The following PIP4K2A variants were observed in gnomAD, a reference collection of about 807,000 sequenced individuals.
PIP4K2A encodes phosphatidylinositol 5-phosphate 4-kinase type-2 alpha.
A neutral mutation model predicts 42.9 loss-of-function variants in PIP4K2A; 14 were observed. That is an observed-to-expected ratio of 0.33 (90% CI 0.22 to 0.51). The LOEUF (loss-of-function observed/expected upper bound fraction) is 0.51. PIP4K2A is among the 20% of genes least tolerant of loss of function. The pLI is 0.97. For synonymous variants in PIP4K2A, 192 were observed against 192.2 expected, an observed-to-expected ratio of 1.00 and a Z score of 0.01; for missense variants, 434 against 519.8, an observed-to-expected ratio of 0.83 and a Z score of 1.61.
intron 7 of PIP4K2A, among the ~76,000 whole-genome samples, chr10:22,544,608 T>C (rs1222279788): frequency 1.3e-5 from 2 of 152,184 alleles, no homozygotes; most frequent in African/African-American, 4.8e-5. Context: ...GGAAGGTCCC[T>C]GTGAAGTGGT....
intron 6 of PIP4K2A, among the ~76,000 whole-genome samples, chr10:22,555,768 A>G (rs1341384274): frequency 6.6e-6 from 1 of 152,178 alleles, no homozygotes; most frequent in Non-Finnish European, 1.5e-5. Context: ...TTAAAAAAAA[A>G]AAACAATTTA....
At chr10:22,616,570 T>C (rs1838181631) in intron 1 of PIP4K2A, among the ~76,000 whole-genome samples, 2 of 152,276 alleles carry the variant, frequency 1.3e-5, no homozygotes, top group Admixed American at 1.3e-4. Flanking sequence ...CTGGACTGGC[T>C]GAGCCCAAGA....
chr10:22,583,846 A>T (rs75000010), intron 4 of PIP4K2A, among the ~76,000 whole-genome samples: 31 of 152,342 alleles, frequency 2.0e-4, no homozygotes, highest in Non-Finnish European at 4.0e-4. Flanking sequence ...CGGTCTGCAG[A>T]AGGCCTGCAG....
intron 1 of PIP4K2A, among the ~76,000 whole-genome samples, chr10:22,649,526 GAA>G (rs1838950077): frequency 6.6e-6 from 1 of 152,206 alleles, no homozygotes; most frequent in Non-Finnish European, 1.5e-5. Flanking sequence ...AAGACCAGGA[GAA>G]GAAAACATGC....
intron 5 of PIP4K2A, among the ~76,000 whole-genome samples, chr10:22,568,207 T>C (rs909061215): frequency 6.6e-6 from 1 of 152,234 alleles, no homozygotes; most frequent in Non-Finnish European, 1.5e-5. Context: ...AGTAACTTAC[T>C]CAACACTGGA....
chr10:22,694,239 T>C (rs1839926603), intron 1 of PIP4K2A: 1 of 152,184 alleles, frequency 6.6e-6, no homozygotes, highest in Non-Finnish European at 1.5e-5. Context: ...AATGTCTACT[T>C]ACACTTAATT....
At chr10:22,680,782 A>G (rs1839644212) in intron 1 of PIP4K2A, among the ~76,000 whole-genome samples, 1 of 152,172 alleles carries the variant, frequency 6.6e-6, no homozygotes, top group Non-Finnish European at 1.5e-5. Context: ...ATGTTGTTCA[A>G]AGAGTGAAGG....
chr10:22,571,828 C>T (rs1161725586), intron 5 of PIP4K2A, among the ~76,000 whole-genome samples: 1 of 152,228 alleles, frequency 6.6e-6, no homozygotes, highest in East Asian at 1.9e-4. Context: ...CATAACACCA[C>T]ACAGACTGAC....
chr10:22,574,687 T>C lies in PIP4K2A; in HGVS notation c.493-1230A>G, dbSNP rs910391400. Reference sequence around the variant, plus strand: ...TGCCTCTTCCCTTTCTTTTTTCTTATTGACAATAACTGAGCTATAAATTTT... The same window carrying C: ...TGCCTCTTCCCTTTCTTTTTTCTTACTGACAATAACTGAGCTATAAATTTT... On this transcript the variant is annotated intron_variant, in intron 4 of 9. Coordinates refer to ENST00000376573, the MANE Select transcript of PIP4K2A (RefSeq NM_005028.5). Among the ~76,000 whole-genome samples, 3 of 152,220 alleles carry C rather than the reference T, an allele frequency of 2.0e-5. No homozygotes were observed. In the East Asian group the frequency reaches 5.8e-4, roughly 29 times the overall value.
At chr10:22,670,262 C>T (rs1327988264) in intron 1 of PIP4K2A, among the ~76,000 whole-genome samples, 1 of 152,094 alleles carries the variant, frequency 6.6e-6, no homozygotes, top group African/African-American at 2.4e-5. Flanking sequence ...CCCTGTAGTC[C>T]CACCTACTTG....
chr10:22,565,425 G>A (rs1180660691), intron 6 of PIP4K2A, among the ~76,000 whole-genome samples: 2 of 152,086 alleles, frequency 1.3e-5, no homozygotes, highest in Non-Finnish European at 2.9e-5. Flanking sequence ...TGTCTTTACT[G>A]CAATCTCTCA....
Position 22,569,045 on chromosome 10 carries a change from G to T in PIP4K2A, c.640-1156C>A, listed in dbSNP as rs982345753. The T allele has an allele frequency of 2.6e-6, 4 of 1,534,972 alleles. No individual in the cohort carries two copies. In the African/African-American group the frequency reaches 5.5e-5, roughly 21 times the overall value. On this transcript the variant is annotated intron_variant, in intron 5 of 9. Coordinates refer to ENST00000376573, the MANE Select transcript of PIP4K2A (RefSeq NM_005028.5). Reference sequence around the variant, plus strand: ...TTGGGAAAAGTGAAAGTGGCTTTTAGATTGGCCATCTGCAAAGAAATCAAA... The same window carrying T: ...TTGGGAAAAGTGAAAGTGGCTTTTATATTGGCCATCTGCAAAGAAATCAAA...
intron 1 of PIP4K2A, among the ~76,000 whole-genome samples, chr10:22,664,077 G>GTATATATATATATACA (rs1258845687): frequency 5.3e-5 from 2 of 37,760 alleles, no homozygotes; most frequent in African/African-American, 4.0e-4. Context: ...ATATATATAC[G>GTATATATATATATACA]TATATATATA....
At chr10:22,605,270 C>T (rs902248003) in intron 3 of PIP4K2A, among the ~76,000 whole-genome samples, 8 of 151,792 alleles carry the variant, frequency 5.3e-5, no homozygotes, top group African/African-American at 9.7e-5. Context: ...GAGGAGTGTT[C>T]GAATGATTAA....
chr10:22,538,887 A>C (rs1480866603), intron 9 of PIP4K2A, among the ~76,000 whole-genome samples: 2 of 152,266 alleles, frequency 1.3e-5, no homozygotes, highest in Non-Finnish European at 2.9e-5. Context: ...TTTGGCAAAT[A>C]GAATACTGTG....
chr10:22,581,942 T>C (rs773445390), intron 4 of PIP4K2A, among the ~76,000 whole-genome samples: 14 of 151,452 alleles, frequency 9.2e-5, no homozygotes, highest in Non-Finnish European at 1.6e-4. Flanking sequence ...GAAGACCCCA[T>C]CTCTACAAAA....
chr10:22,567,281 C>G (rs1836867487), intron 6 of PIP4K2A, among the ~76,000 whole-genome samples: 1 of 152,124 alleles, frequency 6.6e-6, no homozygotes. Flanking sequence ...AAATGTGGCT[C>G]AAATACTACC....
intron 6 of PIP4K2A, among the ~76,000 whole-genome samples, chr10:22,553,968 T>C (rs1468663192): frequency 1.3e-5 from 2 of 151,906 alleles, no homozygotes; most frequent in African/African-American, 2.4e-5. Flanking sequence ...AGACTCCATC[T>C]CTACAAAAAA....
intron 3 of PIP4K2A, among the ~76,000 whole-genome samples, chr10:22,604,005 GCACGCACACACACACACACACACA>G (rs1321413469): frequency 1.1e-5 from 1 of 92,820 alleles, no homozygotes; most frequent in African/African-American, 5.5e-5. Flanking sequence ...ACACACGCGC[GCACGCACACACACACACACACACA>G]CACACACAGA....
Sources: allele counts gnomAD v4.1 joint callset (sites outside exome capture counted in the v4.1 genomes callset), GRCh38; gene constraint gnomAD v4.1.1; transcripts MANE v1.5; gene names NCBI Gene and HGNC (gene_info 2026-07-23, HGNC 2026-07-21).